The following RNF6 variants were observed in gnomAD, a reference collection of about 807,000 sequenced individuals.
The protein encoded by RNF6 is ring finger protein 6.
A neutral mutation model predicts 50.1 loss-of-function variants in RNF6; 21 were observed. The ratio of observed to expected loss-of-function variants is 0.42; its 90% CI spans 0.30 to 0.60. RNF6 has a LOEUF of 0.60. Among genes scored for constraint, RNF6 ranks in the 20% least tolerant of loss-of-function variants. The pLI, the probability that RNF6 is intolerant of heterozygous loss-of-function variation, is 0.20. For missense variants in RNF6, 698 were observed against 838.2 expected (o/e 0.83, Z 2.07); for synonymous variants, 255 against 291.8 (o/e 0.87, Z 1.29).
intron 5 of RNF6, among the ~76,000 whole-genome samples, chr13:26,175,289 C>T (rs4770940): frequency 0.6 from 91,471 of 151,966 alleles, 27,820 homozygotes; most frequent in African/African-American, 0.67. Flanking sequence ...CCATGTTGGC[C>T]AGGCTGGTCT....
At chr13:26,220,224 G>C (rs1464198865) in intron 2 of RNF6, among the ~76,000 whole-genome samples, 1 of 152,128 alleles carries the variant, frequency 6.6e-6, no homozygotes, top group Non-Finnish European at 1.5e-5. Flanking sequence ...AAACTGGAAG[G>C]TGGTCTCTTA....
chr13:26,143,289 A>G (rs867521752), intron 5 of RNF6, among the ~76,000 whole-genome samples: 1 of 152,074 alleles, frequency 6.6e-6, no homozygotes, highest in Non-Finnish European at 1.5e-5. Flanking sequence ...ACTCTTCCTT[A>G]TCTACACTGT....
intron 5 of RNF6, among the ~76,000 whole-genome samples, chr13:26,186,250 A>G (rs1327923273): frequency 6.6e-6 from 1 of 152,276 alleles, no homozygotes; most frequent in Non-Finnish European, 1.5e-5. Context: ...GCAAGCGATC[A>G]AAACATTTCT....
chr13:26,180,893 C>T (rs536096619), intron 5 of RNF6, among the ~76,000 whole-genome samples: 2 of 152,326 alleles, frequency 1.3e-5, no homozygotes, highest in African/African-American at 4.8e-5. Flanking sequence ...CTAAAGGAAC[C>T]CGAAGGGGAG....
intron 5 of RNF6, among the ~76,000 whole-genome samples, chr13:26,173,419 A>G (rs1012764187): frequency 1.3e-5 from 2 of 152,240 alleles, no homozygotes; most frequent in South Asian, 4.1e-4. Flanking sequence ...ATAGAAAGAC[A>G]GATCAATAGA....
chr13:26,147,316 G>A (rs191707003), intron 5 of RNF6, among the ~76,000 whole-genome samples: 1,966 of 152,304 alleles, frequency 0.013, 32 homozygotes, highest in Non-Finnish European at 0.015. Context: ...AACAAAGAGA[G>A]GTGATGGGGA....
In RNF6 at chr13:26,170,351, C is replaced by T. The variant is rs940898640; in HGVS notation, n.769-37900G>A. ...GAAGAATTCAAAAGCACTTTGTTAC[C>T]GAAGAATTTCCCCTGACTCGTTGAC... On this transcript the variant is annotated intron_variant and non_coding_transcript_variant, in intron 5 of 5. Coordinates refer to the RNF6 transcript ENST00000468480. Among the ~76,000 whole-genome samples the T allele has an allele frequency of 7.2e-5, 11 of 152,072 alleles. No individual in the cohort carries two copies. The East Asian group carries it at 9.6e-4, about 13-fold the overall frequency.
rs151314993 is a variant in RNF6, at chr13:26,151,874, C to T, written n.769-19423G>A. On this transcript the variant is annotated intron_variant and non_coding_transcript_variant, in intron 5 of 5. Coordinates refer to the RNF6 transcript ENST00000468480. ...ATCTCTTGTATGTCTCCCTCTTCTC[C>T]ATTTCTCTGGGGTGCAGCTCCAAGC... Among the ~76,000 whole-genome samples the T allele has an allele frequency of 1.9e-3, 295 of 152,270 alleles. 10 individuals carry two copies. In the East Asian group the frequency reaches 0.046, roughly 24 times the overall value.
rs974474925 is a variant in RNF6 at position 26,197,091 on chromosome 13, A to C, written n.768+18383T>G. Among the ~76,000 whole-genome samples the C allele has an allele frequency of 6.6e-5, 10 of 151,924 alleles. 2 individuals are homozygous for C. The highest frequency in any genetic ancestry group is 2.4e-4 in the African/African-American group (10 of 41,216). On this transcript the variant is annotated intron_variant and non_coding_transcript_variant, in intron 5 of 5. Coordinates refer to the RNF6 transcript ENST00000468480. ...GAGAACTGCAGAAACTCTCAGCATG[A>C]ATGACTACATCCAAACCCCTGCACT... is the stretch of plus-strand genomic sequence containing the variant.
At chr13:26,187,526 T>G (rs1341026489) in intron 5 of RNF6, among the ~76,000 whole-genome samples, 1 of 152,208 alleles carries the variant, frequency 6.6e-6, no homozygotes, top group Non-Finnish European at 1.5e-5. Context: ...AAAGAAAAAT[T>G]ACCCTAGTTC....
chr13:26,137,318 G>A (rs1193677358), intron 5 of RNF6, among the ~76,000 whole-genome samples: 5 of 151,926 alleles, frequency 3.3e-5, no homozygotes, highest in African/African-American at 9.6e-5. Flanking sequence ...TTTTTTTAAA[G>A]AAAATTAGAA....
At chr13:26,146,479 G>A (rs1227030712) in intron 5 of RNF6, among the ~76,000 whole-genome samples, 1 of 152,174 alleles carries the variant, frequency 6.6e-6, no homozygotes, top group African/African-American at 2.4e-5. Context: ...ATCACAGAAC[G>A]CTTTAAGGAT....
At chr13:26,137,546 AGTTAT>A (rs1441968064) in intron 5 of RNF6, among the ~76,000 whole-genome samples, 1 of 152,016 alleles carries the variant, frequency 6.6e-6, no homozygotes, top group African/African-American at 2.4e-5. Flanking sequence ...ACTTTTTATC[AGTTAT>A]GTTGAGTATC....
At chr13:26,145,453 G>C (rs562212212) in intron 5 of RNF6, among the ~76,000 whole-genome samples, 8 of 151,460 alleles carry the variant, frequency 5.3e-5, no homozygotes, top group Admixed American at 2.0e-4. Context: ...CATGGGGAGG[G>C]GGGGGGACTT....
chr13:26,174,834 C>T (rs1290729456), intron 5 of RNF6, among the ~76,000 whole-genome samples: 1 of 152,102 alleles, frequency 6.6e-6, no homozygotes. Context: ...CCCTCCACAC[C>T]GTGCTTCTGG....
At chr13:26,189,778 TA>T (rs1170930073) in intron 5 of RNF6, among the ~76,000 whole-genome samples, 1 of 152,244 alleles carries the variant, frequency 6.6e-6, no homozygotes, top group Non-Finnish European at 1.5e-5. Context: ...TTTGTTTATT[TA>T]TTTACACTCT....
intron 4 of RNF6, among the ~76,000 whole-genome samples, chr13:26,217,356 T>C (rs1399518546): frequency 6.6e-6 from 1 of 152,268 alleles, no homozygotes; most frequent in Non-Finnish European, 1.5e-5. Context: ...GTAGTGATGA[T>C]GGTGCATGTG....
chr13:26,149,423 T>A (rs917836554), intron 5 of RNF6, among the ~76,000 whole-genome samples: 1 of 151,830 alleles, frequency 6.6e-6, no homozygotes, highest in African/African-American at 2.4e-5. Flanking sequence ...CCATCTCTAC[T>A]AAAAATACAA....
chr13:26,219,699 G>C (rs748430160), intron 2 of RNF6, 32 bp from the exon 3 acceptor site: 2 of 1,560,800 alleles, frequency 1.3e-6, no homozygotes, highest in Admixed American at 1.8e-5. Context: ...CATTCAAGGT[G>C]TTAAGTCATG....
Sources: gnomAD v4.1 joint callset for allele counts (sites outside exome capture counted in the v4.1 genomes callset) on GRCh38, gnomAD v4.1.1 for gene constraint, MANE v1.5 for transcripts, NCBI Gene and HGNC (gene_info 2026-07-23, HGNC 2026-07-21) for gene names.